Variants in CTNNA2 observed in about 807,000 individuals in gnomAD.
The protein encoded by CTNNA2 is catenin alpha 2, also known as catenin alpha-2.
In CTNNA2, 42 loss-of-function variants were observed where a neutral mutation model predicts 101.0. The ratio of observed to expected loss-of-function variants is 0.42; its 90% confidence interval spans 0.32 to 0.54. The LOEUF (loss-of-function observed/expected upper bound fraction) is 0.54, where lower values mean the gene tolerates loss of function less well. CTNNA2 is among the 20% of genes least tolerant of loss of function. CTNNA2 has a pLI of 0.14. For missense variants in CTNNA2, 871 were observed against 1,223.1 expected, an observed-to-expected ratio of 0.71 and a Z score of 4.29; for synonymous variants, 450 against 456.4, an observed-to-expected ratio of 0.99 and a Z score of 0.18.
At chr2:79,329,789 A>G (rs1676829307) in intron 3 of CTNNA2, among the ~76,000 whole-genome samples, 2 of 152,118 alleles carry the variant, frequency 1.3e-5, no homozygotes, top group Admixed American at 6.6e-5. Flanking sequence ...GAAGTGTTTT[A>G]CCCATGCTGC....
chr2:79,609,031 C>T (rs62140086), intron 1 of CTNNA2, among the ~76,000 whole-genome samples: 19,929 of 151,564 alleles, frequency 0.13, 2,177 homozygotes, highest in African/African-American at 0.3. Context: ...GTGACTTTTG[C>T]GAAGTTGTGG....
upstream of CTNNA2, among the ~76,000 whole-genome samples, chr2:79,509,511 G>A (rs150550076): frequency 9.9e-5 from 15 of 152,226 alleles, no homozygotes; most frequent in Middle Eastern, 3.4e-3. Flanking sequence ...ATCTGAAAAG[G>A]CTACATATTG....
At chr2:80,212,478 T>G (rs1370424482) in intron 7 of CTNNA2, among the ~76,000 whole-genome samples, 3 of 152,226 alleles carry the variant, frequency 2.0e-5, no homozygotes, top group African/African-American at 7.2e-5. Context: ...GAGATAATCA[T>G]GTGGTTTTTG....
intron 7 of CTNNA2, among the ~76,000 whole-genome samples, chr2:80,161,179 C>T (rs1368251820): frequency 2.0e-5 from 3 of 152,102 alleles, no homozygotes; most frequent in Non-Finnish European, 4.4e-5. Context: ...CCACACCCAG[C>T]TAATTTTTGT....
At chr2:79,187,872 A>T (rs1190371543) in intron 1 of CTNNA2, among the ~76,000 whole-genome samples, 1 of 152,224 alleles carries the variant, frequency 6.6e-6, no homozygotes, top group Non-Finnish European at 1.5e-5. Context: ...AAATATCAGG[A>T]TATACATGAG....
chr2:80,105,720 G>A (rs1700843154), intron 7 of CTNNA2, among the ~76,000 whole-genome samples: 2 of 151,824 alleles, frequency 1.3e-5, no homozygotes, highest in South Asian at 4.2e-4. Context: ...GGCAACAGAG[G>A]GAGATCTTGT....
chr2:80,589,281 C>A (rs371156156), intron 14 of CTNNA2, 23 bp from the exon 15 acceptor site: 10 of 1,611,650 alleles, frequency 6.2e-6, no homozygotes, highest in Admixed American at 3.3e-5. Flanking sequence ...CCGTCACTCA[C>A]GCTTTTTCTG....
intron 4 of CTNNA2, among the ~76,000 whole-genome samples, chr2:79,868,248 G>A (rs1444112629): frequency 6.6e-6 from 1 of 152,106 alleles, no homozygotes; most frequent in Admixed American, 6.6e-5. Context: ...CATAGAAGAT[G>A]AGAATGGAAA....
chr2:79,471,317 G>T (rs1670996139), intron 4 of CTNNA2, among the ~76,000 whole-genome samples: 1 of 152,148 alleles, frequency 6.6e-6, no homozygotes. Flanking sequence ...ATAAAGAACA[G>T]AATTTTATTT....
At chr2:79,552,514 A>G (rs13397628) in intron 1 of CTNNA2, among the ~76,000 whole-genome samples, 97,798 of 152,044 alleles carry the variant, frequency 0.64, 31,544 homozygotes, top group East Asian at 0.71. Flanking sequence ...GACTCTGTGT[A>G]GGGGCTCCAG....
At chr2:79,962,710 T>C (rs996151215) in intron 7 of CTNNA2, among the ~76,000 whole-genome samples, 3 of 152,148 alleles carry the variant, frequency 2.0e-5, no homozygotes, top group South Asian at 2.1e-4. Flanking sequence ...ATAGATATGA[T>C]TGGAGCACAT....
At chr2:80,334,819 C>T (rs1311771715) in intron 7 of CTNNA2, among the ~76,000 whole-genome samples, 1 of 152,156 alleles carries the variant, frequency 6.6e-6, no homozygotes, top group Non-Finnish European at 1.5e-5. Flanking sequence ...TTGGTCTGCC[C>T]AGGACCGAGG....
At chr2:79,285,956 T>C (rs1468358391) in intron 2 of CTNNA2, among the ~76,000 whole-genome samples, 1 of 148,400 alleles carries the variant, frequency 6.7e-6, no homozygotes, top group African/African-American at 2.6e-5. Flanking sequence ...GGTGCATATA[T>C]ATTTAGGATA....
intron 7 of CTNNA2, among the ~76,000 whole-genome samples, chr2:80,082,045 G>C (rs1179246767): frequency 6.6e-6 from 1 of 152,100 alleles, no homozygotes; most frequent in Non-Finnish European, 1.5e-5. Flanking sequence ...GAGGACCTAA[G>C]TGTAGGAATT....
chr2:79,501,157 A>T (rs1345042620), intron 4 of CTNNA2, among the ~76,000 whole-genome samples: 1 of 152,216 alleles, frequency 6.6e-6, no homozygotes, highest in Non-Finnish European at 1.5e-5. Flanking sequence ...TAGCTTGTAC[A>T]GTTTGAATAT....
chr2:79,235,222 T>C (rs982911125), intron 2 of CTNNA2, among the ~76,000 whole-genome samples: 18 of 152,174 alleles, frequency 1.2e-4, no homozygotes, highest in African/African-American at 3.4e-4. Context: ...TTTCAGAGGG[T>C]CAGCACTCTG....
At chr2:80,101,395 A>G (rs1700532196) in intron 7 of CTNNA2, among the ~76,000 whole-genome samples, 2 of 152,316 alleles carry the variant, frequency 1.3e-5, no homozygotes, top group East Asian at 3.9e-4. Context: ...ACCATCTCAC[A>G]CTGACTCCTA....
intron 7 of CTNNA2, among the ~76,000 whole-genome samples, chr2:80,175,611 T>C (rs1437943001): frequency 6.6e-6 from 1 of 152,174 alleles, no homozygotes; most frequent in African/African-American, 2.4e-5. Flanking sequence ...GTTTGGGTTG[T>C]CTAGAGGGAT....
chr2:80,621,880 TG>T (rs1422411726), intron 18 of CTNNA2, among the ~76,000 whole-genome samples: 1 of 151,884 alleles, frequency 6.6e-6, no homozygotes, highest in Non-Finnish European at 1.5e-5. Context: ...TAAATATCCC[TG>T]TGGCCTGGGT....
Sources: allele counts gnomAD v4.1 joint callset (sites outside exome capture counted in the v4.1 genomes callset), GRCh38; gene constraint gnomAD v4.1.1; transcripts MANE v1.5; gene names NCBI Gene and HGNC (gene_info 2026-07-23, HGNC 2026-07-21).